GLIS3: variants seen among roughly 807,000 people sequenced by gnomAD.
The protein encoded by GLIS3 is GLIS family zinc finger 3.
Under a neutral mutation model 78.6 loss-of-function variants are expected in GLIS3, and 53 were observed. That is an observed-to-expected ratio of 0.67 (90% CI 0.54 to 0.85). The LOEUF (loss-of-function observed/expected upper bound fraction) is 0.85, where lower values mean the gene tolerates loss of function less well. Ranked by LOEUF, GLIS3 falls within the 40% of genes least tolerant of loss-of-function variation. The pLI, the probability that GLIS3 is intolerant of heterozygous loss-of-function variation, is 0.00. For synonymous variants in GLIS3, 684 were observed against 509.9 expected (o/e 1.34, Z -4.60); for missense variants, 1,703 against 1,231.1 (o/e 1.38, Z -5.74).
chr9:4,227,712 C>T (rs11790728), intron 2 of GLIS3, among the ~76,000 whole-genome samples: 2 of 152,158 alleles, frequency 1.3e-5, no homozygotes, highest in African/African-American at 4.8e-5. Flanking sequence ...AGAAACCCAA[C>T]ATATTATCAT....
chr9:3,860,300 A>C (rs1474708488), intron 8 of GLIS3, among the ~76,000 whole-genome samples: 2 of 144,026 alleles, frequency 1.4e-5, no homozygotes, highest in African/African-American at 2.5e-5. Context: ...AAAAAAAAAA[A>C]AAACCTCTGG....
chr9:3,877,544 C>T (rs150755219), intron 8 of GLIS3, among the ~76,000 whole-genome samples: 1 of 152,182 alleles, frequency 6.6e-6, no homozygotes, highest in East Asian at 1.9e-4. Flanking sequence ...GTCTTCTTCC[C>T]CTTCTCCTCC....
rs142447811 is a variant in GLIS3 at position 4,155,867 on chromosome 9, C to T, written c.389-29926G>A. 1.2e-3 allele frequency among the ~76,000 whole-genome samples: 188 copies of T among 152,270 alleles called. 1 individual carries two copies. The highest frequency in any genetic ancestry group is 4.3e-3 in the African/African-American group (180 of 41,556). ...TGATGCTGATACTGATGCTGCAGGT[C>T]CTCAGGCCCCTCTGCTGTGGGAACC... On this transcript the variant is annotated intron_variant, in intron 2 of 10. Coordinates refer to ENST00000381971, the MANE Select transcript of GLIS3 (RefSeq NM_001042413.2).
intron 3 of GLIS3, chr9:4,310,332 A>G (rs1817329841): frequency 6.6e-6 from 1 of 152,164 alleles, no homozygotes; most frequent in African/African-American, 2.4e-5. Flanking sequence ...TACTGTATTG[A>G]TAGACTTCTT....
intron 2 of GLIS3, among the ~76,000 whole-genome samples, chr9:4,282,309 A>G (rs548120400): frequency 1.3e-5 from 2 of 152,324 alleles, no homozygotes; most frequent in African/African-American, 4.8e-5. Context: ...ATTAGGTCCA[A>G]CACTACTCTG....
At position 4,246,437 on chromosome 9, in the gene GLIS3, G is replaced by A. The variant is rs1430349068; in HGVS notation, c.388+39601C>T. ...CTTCTCAGGATCTTGTTTAAGGTAA[G>A]ATATTTTCACAACTCAAGAGGTATG... On this transcript the variant is annotated intron_variant, in intron 2 of 10. Transcript: ENST00000381971. Among the ~76,000 whole-genome samples the A allele has an allele frequency of 4.6e-5, 7 of 152,272 alleles. No homozygotes were observed. The South Asian group carries it at 1.2e-3, about 27-fold the overall frequency.
At chr9:3,879,402 A>C in intron 8 of GLIS3, 25 bp downstream of exon 8, 2 of 1,612,238 alleles carry the variant, frequency 1.2e-6, no homozygotes, top group South Asian at 2.2e-5. Flanking sequence ...GACACCTATT[A>C]GGAGAGAGAG....
chr9:3,996,642 A>C (rs565706442), intron 4 of GLIS3, among the ~76,000 whole-genome samples: 70 of 152,332 alleles, frequency 4.6e-4, no homozygotes, highest in African/African-American at 1.6e-3. Flanking sequence ...AAAACTGCAA[A>C]ACTAACCTGA....
chr9:4,021,800 T>A (rs1250870269), intron 4 of GLIS3, among the ~76,000 whole-genome samples: 2 of 152,206 alleles, frequency 1.3e-5, no homozygotes, highest in Non-Finnish European at 2.9e-5. Flanking sequence ...TTTTCCAGCA[T>A]GTGACCAGCT....
At chr9:4,015,173 A>G (rs1477713557) in intron 4 of GLIS3, among the ~76,000 whole-genome samples, 2 of 152,324 alleles carry the variant, frequency 1.3e-5, no homozygotes, top group South Asian at 4.1e-4. Context: ...AATCTGAAAG[A>G]TATATTAGAA....
chr9:4,468,784 C>T, the GLIS3 span, among the ~76,000 whole-genome samples: 5 of 152,224 alleles, frequency 3.3e-5, no homozygotes, highest in Middle Eastern at 3.4e-3. Flanking sequence ...TCACACATAA[C>T]AATATTAACC....
At chr9:3,989,621 A>G (rs2129743088) in intron 4 of GLIS3, among the ~76,000 whole-genome samples, 1 of 152,250 alleles carries the variant, frequency 6.6e-6, no homozygotes, top group African/African-American at 2.4e-5. Context: ...TGAAAAAGCC[A>G]CTCCGAAGAA....
intron 2 of GLIS3, among the ~76,000 whole-genome samples, chr9:4,187,046 T>A (rs1206893583): frequency 6.6e-6 from 1 of 152,192 alleles, no homozygotes; most frequent in Non-Finnish European, 1.5e-5. Context: ...TTGCTTTCAG[T>A]GTTTTAGACA....
At chr9:4,411,484 G>A in the GLIS3 span, among the ~76,000 whole-genome samples, 1 of 152,146 alleles carries the variant, frequency 6.6e-6, no homozygotes, top group Non-Finnish European at 1.5e-5. Context: ...TGTAGTAAAT[G>A]CTCACAGAAA....
intron 6 of GLIS3, among the ~76,000 whole-genome samples, chr9:3,899,894 G>A (rs1242404463): frequency 6.6e-6 from 1 of 152,128 alleles, no homozygotes; most frequent in Non-Finnish European, 1.5e-5. Flanking sequence ...AAAGTGATGC[G>A]GAGAAGCGAG....
intron 3 of GLIS3, among the ~76,000 whole-genome samples, chr9:4,121,452 A>C (rs1832174045): frequency 6.6e-6 from 1 of 152,264 alleles, no homozygotes; most frequent in South Asian, 2.1e-4. Flanking sequence ...TTAGGAAAGT[A>C]AATAAGTAAT....
intron 9 of GLIS3, among the ~76,000 whole-genome samples, chr9:3,844,178 C>G (rs62521412): frequency 0.084 from 12,850 of 152,146 alleles, 706 homozygotes; most frequent in East Asian, 0.2. Flanking sequence ...TTTTGTTGTT[C>G]TGTTTTATGA....
chr9:4,334,042 G>A (rs773680584), intron 2 of GLIS3, among the ~76,000 whole-genome samples: 2 of 152,110 alleles, frequency 1.3e-5, no homozygotes, highest in African/African-American at 4.8e-5. Context: ...TCTTCATGAG[G>A]CAGACAATAC....
At chr9:4,340,967 G>C (rs559865083) in intron 2 of GLIS3, among the ~76,000 whole-genome samples, 1 of 152,150 alleles carries the variant, frequency 6.6e-6, no homozygotes, top group African/African-American at 2.4e-5. Context: ...GTGAGCCACC[G>C]TGCCTGGCCT....
Sources: allele counts gnomAD v4.1 joint callset (sites outside exome capture counted in the v4.1 genomes callset), GRCh38; gene constraint gnomAD v4.1.1; transcripts MANE v1.5; gene names NCBI Gene and HGNC (gene_info 2026-07-23, HGNC 2026-07-21).